Variants in PIGO observed in about 807,000 individuals in gnomAD.
PIGO encodes the protein GPI ethanolamine phosphate transferase 3, catalytic subunit.
A neutral mutation model predicts 86.9 loss-of-function variants in PIGO; 66 were observed. The ratio of observed to expected loss-of-function variants is 0.76; its 90% CI spans 0.62 to 0.93. PIGO has a LOEUF of 0.93. Among genes scored for constraint, PIGO ranks in the 40% least tolerant of loss-of-function variants. The pLI, the probability that PIGO is intolerant of heterozygous loss-of-function variation, is 0.00. For synonymous variants in PIGO, 570 were observed against 556.4 expected (o/e 1.02, Z -0.34); for missense variants, 1,202 against 1,359.1 (o/e 0.88, Z 1.82).
In PIGO at chr9:35,092,186, T is replaced by C. The variant is rs777468224; in HGVS notation, c.1701A>G (p.Val567=). Residue 567 remains valine (V), a synonymous_variant, in exon 7 of 11, where the codon GTA becomes GTG. Coordinates refer to ENST00000378617, the MANE Select transcript of PIGO (RefSeq NM_032634.4). The part of the protein sequence containing the change: ...LAVFFSDSFV[V]AEARATPFLL... ...GGAAGGGGGTGGCCCTGGCCTCAGC[T>C]ACAACAAAACTATCAGAGAAGAACA... 5.0e-6 allele frequency: 8 copies of C among 1,613,894 alleles called. No individual in the cohort carries two copies. The East Asian group carries it at 6.7e-5, about 13-fold the overall frequency.
At chr9:35,089,491 A>T (rs1236564612) in intron 9 of PIGO, 41 bp from the exon 10 acceptor site, 1 of 1,613,606 alleles carries the variant, frequency 6.2e-7, no homozygotes, top group Non-Finnish European at 8.5e-7. Context: ...TGTGAAGGAG[A>T]GGAGGAAGCG....
intron 2 of PIGO, 66 bp from the exon 3 acceptor site, chr9:35,094,425 G>C: frequency 6.4e-7 from 1 of 1,554,352 alleles, no homozygotes; most frequent in Non-Finnish European, 8.6e-7. Flanking sequence ...AAGAGGAAAA[G>C]AGGCCCTTTA....
At chr9:35,095,664 G>A (rs1234861285) in intron 1 of PIGO, 98 bp from the exon 2 acceptor site, 24 of 1,360,824 alleles carry the variant, frequency 1.8e-5, no homozygotes, top group Admixed American at 5.7e-5. Flanking sequence ...ACTTCCTCCC[G>A]GAAACCTTCC....
In PIGO at chr9:35,091,576, C is replaced by T. The variant is rs1166737574; in HGVS notation, c.2311G>A (p.Ala771Thr). The change falls in exon 7 of 11, where the codon GCA becomes ACA. Residue 771 changes from alanine to threonine, a missense_variant. Coordinates refer to ENST00000378617, the MANE Select transcript of PIGO (RefSeq NM_032634.4). ...ACAGTCCTGGTCCTTGGAGCGCCTG[C>T]CCCAGCCTTCACCAGCACTGTCACA... ...KPVTVLVKAG[A>T]GAPRTRTVLT... 3 of 1,614,024 alleles carry T rather than the reference C, an allele frequency of 1.9e-6. No individual in the cohort carries two copies. The highest frequency in any genetic ancestry group is 3.3e-5 in the Admixed American group (2 of 60,030).
Position 35,091,933 on chromosome 9 carries a change from G to C in PIGO, c.1954C>G (p.Pro652Ala), listed in dbSNP as rs1357875230. ...PEETPVCHSS[P>A]WLSPLASMVG... is the part of the protein sequence containing the mutation. ...ATGGATGCCAGAGGACTCAGCCAGG[G>C]AGAGGAGTGGCAAACAGGTGTCTCT... Residue 652 changes from proline (P) to alanine (A), a missense_variant, in exon 7 of 11, where the codon CCC becomes GCC. Physicochemically the swap from Pro to Ala is conservative, Grantham distance 27. Transcript: ENST00000378617. 1 of 1,614,234 alleles carries C rather than the reference G, an allele frequency of 6.2e-7. No homozygotes were observed. Among genetic ancestry groups the C allele is most frequent in the Non-Finnish European group, 8.5e-7 (1 of 1,180,048 alleles).
chr9:35,095,661 C>A, intron 1 of PIGO, 95 bp from the exon 2 acceptor site: 1 of 1,365,374 alleles, frequency 7.3e-7, no homozygotes, highest in Non-Finnish European at 9.7e-7. Context: ...ATCACTTCCT[C>A]CCGGAAACCT....
In PIGO at chr9:35,091,464, A is replaced by C. The variant is rs1279229170; in HGVS notation, c.2423T>G (p.Phe808Cys). Residue 808 changes from phenylalanine (F) to cysteine (C), a missense_variant, in exon 7 of 11, where the codon TTC becomes TGC. Phe to Cys is a radical substitution (Grantham distance 205). Coordinates refer to ENST00000378617, the MANE Select transcript of PIGO (RefSeq NM_032634.4). ...PQIYRHMQEE[F>C]RGRLERTKSQ... is the part of the protein sequence containing the mutation. ...TTTGGTCCTCTCTAACCGGCCCCGG[A>C]ACTCCTCCTGCATGTGTCGGTAGAT... The C allele has an allele frequency of 3.7e-6, 6 of 1,614,030 alleles. No individual in the cohort carries two copies. Among genetic ancestry groups the C allele is most frequent in the Non-Finnish European group, 1.7e-6 (2 of 1,180,012 alleles).
At chr9:35,094,508 G>A (rs1829579989) in intron 2 of PIGO, 149 bp from the exon 3 acceptor site, 7 of 898,730 alleles carry the variant, frequency 7.8e-6, no homozygotes, top group Non-Finnish European at 1.1e-5. Flanking sequence ...ATCCTTCAGG[G>A]CCTAACATTT....
At position 35,091,330 on chromosome 9, in the gene PIGO, C is replaced by T. The variant is rs866472484; in HGVS notation, c.2557G>A (p.Glu853Lys). The T allele has an allele frequency of 6.2e-7, 1 of 1,614,084 alleles. No homozygotes were observed. The highest frequency in any genetic ancestry group is 8.5e-7 in the Non-Finnish European group (1 of 1,180,030). ...LAFPLLLLHAERISLVFLLLF... is the reference protein window; with the variant it reads ...LAFPLLLLHAKRISLVFLLLF... ...AGCAGGAACACAAGGCTGATGCGCT[C>T]CGCATGCAACAGCAGAAGTGGGAAG... The change falls in exon 7 of 11, where the codon GAG becomes AAG. Residue 853 changes from glutamate (E) to lysine (K), a missense_variant. Transcript: ENST00000378617.
At chr9:35,089,292 T>C in intron 10 of PIGO, 71 bp from the exon 11 acceptor site, 1 of 1,613,386 alleles carries the variant, frequency 6.2e-7, no homozygotes, top group Non-Finnish European at 8.5e-7. Context: ...AGGCAAAACC[T>C]TGGCCATCCT....
chr9:35,091,905 A>G lies in PIGO; in HGVS notation c.1982T>C (p.Val661Ala), dbSNP rs769720030. 5.6e-6 allele frequency: 9 copies of G among 1,614,196 alleles called. No individual in the cohort carries two copies. In the East Asian group the frequency reaches 1.6e-4, roughly 28 times the overall value. Reference protein sequence around the residue: ...SPWLSPLASMVGGRAKNLWYG... With the variant: ...SPWLSPLASMAGGRAKNLWYG... ...CCACAAATTCTTGGCTCGACCACCCACCATGGATGCCAGAGGACTCAGCCA... is the reference window on the plus strand; with the variant it reads ...CCACAAATTCTTGGCTCGACCACCCGCCATGGATGCCAGAGGACTCAGCCA... Residue 661 changes from valine (V) to alanine (A), a missense_variant, in exon 7 of 11, where the codon GTG becomes GCG. Coordinates refer to ENST00000378617, the MANE Select transcript of PIGO (RefSeq NM_032634.4).
chr9:35,094,584 A>C (rs527436771), intron 2 of PIGO, among the ~76,000 whole-genome samples: 1 of 152,118 alleles, frequency 6.6e-6, no homozygotes, highest in African/African-American at 2.4e-5. Context: ...TTCCTACAAA[A>C]TGCTCTCCTA....
chr9:35,092,788 G>A (rs377135437), intron 6 of PIGO, 21 bp from the exon 7 acceptor site: 1 of 1,579,120 alleles, frequency 6.3e-7, no homozygotes, highest in Non-Finnish European at 8.6e-7. Context: ...AAAGGTCAGA[G>A]GCCAAGGGGA....
rs1220174027 is a variant in PIGO, at chr9:35,089,074, C to T, written c.*18G>A. ...TCAAGCACTCTCTGTAGCCAAGTGC[C>T]AGTAATCACAGACTAGGCTACCTCT... is the stretch of plus-strand genomic sequence containing the variant. On this transcript the variant is annotated 3_prime_UTR_variant, in exon 11 of 11. Coordinates refer to ENST00000378617, the MANE Select transcript of PIGO (RefSeq NM_032634.4). The T allele has an allele frequency of 1.2e-6, 2 of 1,613,950 alleles. No homozygotes were observed. The highest frequency in any genetic ancestry group is 3.3e-5 in the Admixed American group (2 of 60,028).
rs75599597 is a variant in PIGO at position 35,089,618 on chromosome 9, C to A, written c.3070-168G>T. The stretch of plus-strand genomic sequence containing the variant: ...AGGAGTTAGGAGACCTACTTCCTGC[C>A]CTGCCCCAAGCACTGACTCACTATG... On this transcript the variant is annotated intron_variant, in intron 9 of 10. Transcript: ENST00000378617. 2.0e-4 allele frequency: 296 copies of A among 1,458,310 alleles called. No homozygotes were observed. The African/African-American group carries it at 3.9e-3, about 19-fold the overall frequency. The allele number at this position is 1,458,310 out of a possible 1,614,324, so 90.3% of individuals were successfully genotyped here. A position where few individuals can be genotyped will look rare whatever the true frequency, so the allele number is the denominator to read the frequency against.
In PIGO at chr9:35,088,909, GA is replaced by G; in HGVS notation, c.*182del. On this transcript the variant is annotated 3_prime_UTR_variant, in exon 11 of 11. Coordinates refer to ENST00000378617, the MANE Select transcript of PIGO (RefSeq NM_032634.4). ...AGATGCATCCAAATCAGGAGTTAGG[GA>G]TCATACTCCACTGTGGTCCTGAATT... is the stretch of plus-strand genomic sequence containing the variant. 1.2e-6 allele frequency: 1 copy of G among 820,774 alleles called. No individual in the cohort carries two copies. Among genetic ancestry groups the G allele is most frequent in the Non-Finnish European group, 1.9e-6 (1 of 532,902 alleles). The allele number at this position is 820,774 out of a possible 1,614,324, so 50.8% of individuals were successfully genotyped here.
intron 9 of PIGO, chr9:35,089,716 C>A: frequency 1.4e-6 from 2 of 1,406,734 alleles, no homozygotes; most frequent in South Asian, 1.6e-5. Context: ...AGGAAGATAT[C>A]AGTGCCACAT....
In PIGO at chr9:35,092,289, C is replaced by T. The variant is rs1261162738; in HGVS notation, c.1598G>A (p.Trp533Ter). ...GGTTGCCAGGGGCCTCTTGGACCCC[C>T]AGCCAGCCCAGGCTTTCCACAGAAA... ...LPFLWKAWAG[W>*]GSKRPLATLF... The change falls in exon 7 of 11, where the codon TGG becomes TAG. Residue 533 changes from tryptophan to a stop codon, truncating the protein, a stop_gained. Coordinates refer to ENST00000378617, the MANE Select transcript of PIGO (RefSeq NM_032634.4). LOFTEE classifies it high-confidence loss of function. 1 of 1,614,230 alleles carries T rather than the reference C, an allele frequency of 6.2e-7. No homozygotes were observed. Among genetic ancestry groups the T allele is most frequent in the East Asian group, 2.2e-5 (1 of 44,868 alleles).
rs765635359 is a variant in PIGO at position 35,092,045 on chromosome 9, T to TG, written c.1841dup (p.Arg615ThrfsTer29). 30 of 1,613,928 alleles carry TG rather than the reference T, an allele frequency of 1.9e-5. No homozygotes were observed. The highest frequency in any genetic ancestry group is 2.3e-5 in the Non-Finnish European group (27 of 1,180,016). ...TCAGGGCATATGCACCATTGTGCCG[T>TG]GGGGGGTTTGTTGTGGCTGAAGTGC... On this transcript the variant is annotated frameshift_variant, in exon 7 of 11. Transcript: ENST00000378617. LOFTEE classifies it high-confidence loss of function.
Sources: gnomAD v4.1 joint callset for allele counts (sites outside exome capture counted in the v4.1 genomes callset) on GRCh38, gnomAD v4.1.1 for gene constraint, MANE v1.5 for transcripts, NCBI Gene and HGNC (gene_info 2026-07-23, HGNC 2026-07-21) for gene names.